The following SMIM35 variants were observed in gnomAD, a reference collection of about 807,000 sequenced individuals.
SMIM35 encodes the protein TMPRSS4 antisense RNA 1 (non-protein coding).
chr11:118,009,822 A>T (rs1164434826), intron 4 of SMIM35, among the ~76,000 whole-genome samples: 8 of 152,126 alleles, frequency 5.3e-5, no homozygotes, highest in Non-Finnish European at 8.8e-5. Context: ...TTGATTCCAG[A>T]TGCTGAAATA....
At chr11:118,013,109 C>G (rs2135017622) in intron 4 of SMIM35, among the ~76,000 whole-genome samples, 3 of 152,258 alleles carry the variant, frequency 2.0e-5, no homozygotes, top group Middle Eastern at 6.8e-3. Context: ...GCCTGACTCC[C>G]CAGGACTCCC....
At position 118,086,542 on chromosome 11, in the gene SMIM35, G is replaced by A. The variant is rs560785962; in HGVS notation, c.7+209C>T. Among the ~76,000 whole-genome samples, 17 of 152,384 alleles carry A rather than the reference G, an allele frequency of 1.1e-4. 1 individual carries two copies. The South Asian group carries it at 3.5e-3, about 32-fold the overall frequency. Reference sequence around the variant, plus strand: ...TTCTGCGTGAGAGCTTAGATGCCCAGCGGCATATGGCCTGGGCTGGTGGCC... The same window carrying A: ...TTCTGCGTGAGAGCTTAGATGCCCAACGGCATATGGCCTGGGCTGGTGGCC... On this transcript the variant is annotated intron_variant, in intron 1 of 4. Coordinates refer to ENST00000689828, the MANE Select transcript of SMIM35 (RefSeq NM_001394165.1).
At chr11:118,066,817 C>T (rs1343584744) in intron 1 of SMIM35, among the ~76,000 whole-genome samples, 1 of 92,782 alleles carries the variant, frequency 1.1e-5, no homozygotes, top group African/African-American at 3.8e-5. Context: ...AGAGTGAGAC[C>T]TTGACTTAAA....
intron 4 of SMIM35, among the ~76,000 whole-genome samples, chr11:118,007,559 C>A (rs989372865): frequency 3.9e-5 from 6 of 152,142 alleles, no homozygotes; most frequent in African/African-American, 1.4e-4. Flanking sequence ...CCATGCCCAG[C>A]TAACTTTTGT....
At chr11:118,081,893 G>A (rs1029465591) in intron 1 of SMIM35, among the ~76,000 whole-genome samples, 2 of 152,192 alleles carry the variant, frequency 1.3e-5, no homozygotes, top group African/African-American at 4.8e-5. Context: ...AACAGGAGCA[G>A]GGGAGACTGC....
rs964145383 is a variant in SMIM35 at position 118,003,688 on chromosome 11, G to A, written c.*2722C>T. On this transcript the variant is annotated 3_prime_UTR_variant, in exon 5 of 5. Coordinates refer to ENST00000689828, the MANE Select transcript of SMIM35 (RefSeq NM_001394165.1). ...ATTTCATTTTGTCAAAAAACATTACGAAGCACTTGTTATGTGTTGGACATG... is the reference window on the plus strand; with the variant it reads ...ATTTCATTTTGTCAAAAAACATTACAAAGCACTTGTTATGTGTTGGACATG... 2.0e-4 allele frequency: 30 copies of A among 152,284 alleles called. No homozygotes were observed. The highest frequency in any genetic ancestry group is 6.3e-4 in the African/African-American group (26 of 41,542). 9.4% of individuals were successfully genotyped at this position (152,284 alleles called of 1,614,324 possible).
At chr11:118,050,827 C>T (rs1377876957) in intron 1 of SMIM35, among the ~76,000 whole-genome samples, 1 of 152,224 alleles carries the variant, frequency 6.6e-6, no homozygotes, top group African/African-American at 2.4e-5. Context: ...TCACCTCTGC[C>T]ACAGGGATGC....
intron 1 of SMIM35, among the ~76,000 whole-genome samples, chr11:118,046,542 A>G (rs73013776): frequency 0.052 from 7,954 of 152,284 alleles, 277 homozygotes; most frequent in Non-Finnish European, 0.078. Flanking sequence ...ACGCCTGGAT[A>G]TCAAGAACCT....
chr11:118,050,952 G>A (rs1364838823), intron 1 of SMIM35, among the ~76,000 whole-genome samples: 1 of 152,192 alleles, frequency 6.6e-6, no homozygotes, highest in South Asian at 2.1e-4. Flanking sequence ...TTATCTGGGG[G>A]CAGGGAAGAT....
At position 118,056,909 on chromosome 11, in the gene SMIM35, G is replaced by A. The variant is rs537956666; in HGVS notation, c.7+29842C>T. 2.6e-5 allele frequency among the ~76,000 whole-genome samples: 4 copies of A among 152,316 alleles called. No individual in the cohort carries two copies. The South Asian group carries it at 8.3e-4, about 32-fold the overall frequency. On this transcript the variant is annotated intron_variant, in intron 1 of 4. Transcript: ENST00000689828. ...AGGGAGCAGAGGCCAGACCACCGAG[G>A]GGTGTAGAGTGGATGGAGGTGCAAG... is the stretch of plus-strand genomic sequence containing the variant.
chr11:118,029,070 C>A, intron 1 of SMIM35: 1 of 306,552 alleles, frequency 3.3e-6, no homozygotes, highest in South Asian at 2.8e-5. Flanking sequence ...TGCACTGAGT[C>A]ACTCAAATAA....
chr11:118,054,467 T>A (rs937093680), intron 1 of SMIM35, among the ~76,000 whole-genome samples: 4 of 152,210 alleles, frequency 2.6e-5, no homozygotes, highest in African/African-American at 7.2e-5. Flanking sequence ...CCAGAGACTT[T>A]GGTTGCTCAT....
intron 1 of SMIM35, among the ~76,000 whole-genome samples, chr11:118,027,612 G>C (rs773109414): frequency 2.0e-5 from 3 of 152,182 alleles, no homozygotes; most frequent in Non-Finnish European, 2.9e-5. Context: ...ATAACTTTTA[G>C]AGCAGGCTAT....
At chr11:118,040,861 CTG>C (rs1210683441) in intron 1 of SMIM35, among the ~76,000 whole-genome samples, 3 of 151,962 alleles carry the variant, frequency 2.0e-5, no homozygotes, top group Admixed American at 6.6e-5. Flanking sequence ...AAGGACATGA[CTG>C]TAGTTGATAA....
At chr11:118,076,507 C>T (rs968690613) in intron 1 of SMIM35, among the ~76,000 whole-genome samples, 7 of 151,252 alleles carry the variant, frequency 4.6e-5, no homozygotes, top group South Asian at 4.2e-4. Flanking sequence ...GACGAGGAGA[C>T]GTGGGCTCTA....
chr11:118,038,986 G>T (rs1943957177), intron 1 of SMIM35, among the ~76,000 whole-genome samples: 1 of 152,052 alleles, frequency 6.6e-6, no homozygotes, highest in Non-Finnish European at 1.5e-5. Flanking sequence ...AGAGAAAGGG[G>T]CATGAGAAGA....
At chr11:118,057,983 C>A (rs1591303545) in intron 1 of SMIM35, among the ~76,000 whole-genome samples, 1 of 152,200 alleles carries the variant, frequency 6.6e-6, no homozygotes, top group East Asian at 1.9e-4. Flanking sequence ...TCCAGTTCAT[C>A]CAAGCCTATA....
intron 1 of SMIM35, among the ~76,000 whole-genome samples, chr11:118,041,127 G>GA (rs1051784848): frequency 6.6e-6 from 1 of 151,812 alleles, no homozygotes; most frequent in Admixed American, 6.6e-5. Context: ...TAAAAATAGT[G>GA]AAAAAATAAT....
intron 1 of SMIM35, chr11:118,077,257 T>C: frequency 6.3e-7 from 1 of 1,590,250 alleles, no homozygotes. Flanking sequence ...GGGGTGACAA[T>C]CTCAGCTCCA....
Sources: gnomAD v4.1 joint callset for allele counts (sites outside exome capture counted in the v4.1 genomes callset) on GRCh38, gnomAD v4.1.1 for gene constraint, MANE v1.5 for transcripts, NCBI Gene and HGNC (gene_info 2026-07-23, HGNC 2026-07-21) for gene names.